The following DGKA variants were observed in gnomAD, a reference collection of about 807,000 sequenced individuals.
DGKA encodes the protein 80 kDa diacylglycerol kinase.
Under a neutral mutation model 105.0 loss-of-function variants are expected in DGKA, and 35 were observed. That is an observed-to-expected ratio of 0.33 (90% confidence interval 0.25 to 0.44). The LOEUF (loss-of-function observed/expected upper bound fraction) is 0.44. DGKA is among the 20% of genes least tolerant of loss of function. DGKA has a pLI of 1.00. For missense variants in DGKA, 665 were observed against 915.0 expected (o/e 0.73, Z 3.53); for synonymous variants, 296 against 332.0 (o/e 0.89, Z 1.18).
chr12:55,945,079 C>T (rs1438043886), intron 17 of DGKA, among the ~76,000 whole-genome samples: 6 of 152,146 alleles, frequency 3.9e-5, no homozygotes, highest in Non-Finnish European at 7.4e-5. Context: ...GGATTATATG[C>T]GTGAGCCACC....
chr12:55,945,119 G>T (rs1013343536), intron 17 of DGKA, among the ~76,000 whole-genome samples: 12 of 152,164 alleles, frequency 7.9e-5, no homozygotes, highest in Non-Finnish European at 1.8e-4. Context: ...CATTTATTAA[G>T]ACAGGGAATA....
At chr12:55,936,204 A>C in intron 1 of DGKA, 1 of 561,878 alleles carries the variant, frequency 1.8e-6, no homozygotes, top group Admixed American at 4.2e-5. Flanking sequence ...GGAGAGACAG[A>C]GATGAGTCAG....
Position 55,940,021 on chromosome 12 carries a change from GTAAGAAGGAAATAGGGGGAGAGGCTCAGC to G in DGKA, c.710-56_710-28del. 1 of 1,455,368 alleles carries G rather than the reference GTAAGAAGGAAATAGGGGGAGAGGCTCAGC, an allele frequency of 6.9e-7. No homozygotes were observed. Among genetic ancestry groups the G allele is most frequent in the Admixed American group, 1.7e-5 (1 of 59,746 alleles). 90.2% of individuals were successfully genotyped at this position (1,455,368 alleles called of 1,614,324 possible). On this transcript the variant is annotated intron_variant, in intron 9 of 23. Transcript: ENST00000331886. The surrounding 1 kb of genome is among the most constrained non-coding windows in gnomAD (Gnocchi z 4.3). ...ATATCTGATCCTGCCTCACCCTCAGGTAAGAAGGAAATAGGGGGAGAGGCTCAGCTAAGCCTCCCAACTTCTTCCTTCTC... is the reference window on the plus strand; with the variant it reads ...ATATCTGATCCTGCCTCACCCTCAGGTAAGCCTCCCAACTTCTTCCTTCTC...
chr12:55,933,325 G>C (rs897359560), intron 1 of DGKA, among the ~76,000 whole-genome samples: 3 of 152,076 alleles, frequency 2.0e-5, no homozygotes, highest in South Asian at 2.1e-4. Flanking sequence ...TTCCTTTCTC[G>C]CCCCAATTGG....
chr12:55,953,019 T>C (rs542390396), intron 21 of DGKA, 21 bp from the exon 22 acceptor site: 1 of 1,614,076 alleles, frequency 6.2e-7, no homozygotes, highest in Non-Finnish European at 8.5e-7. Flanking sequence ...TGTAAAACTT[T>C]ACTCCCTACT....
chr12:55,946,603 C>T (rs1036657077), intron 17 of DGKA, among the ~76,000 whole-genome samples: 56 of 151,914 alleles, frequency 3.7e-4, no homozygotes, highest in Non-Finnish European at 6.9e-4. Flanking sequence ...GTGATCCACC[C>T]GCCTCGGCCT....
intron 22 of DGKA, 84 bp from the exon 23 acceptor site, chr12:55,953,266 A>G (rs1888525294): frequency 1.9e-6 from 3 of 1,611,026 alleles, no homozygotes; most frequent in East Asian, 4.5e-5. Context: ...CCTCAATGAC[A>G]AAAGGTCTCA....
Position 55,941,926 on chromosome 12 carries a change from T to C in DGKA, c.1251-72T>C, listed in dbSNP as rs553679199. 58 of 1,493,088 alleles carry C rather than the reference T, an allele frequency of 3.9e-5. No homozygotes were observed. In the East Asian group the frequency reaches 1.3e-3, roughly 33 times the overall value. The allele number at this position is 1,493,088 out of a possible 1,614,324, so 92.5% of individuals were successfully genotyped here. A position where few individuals can be genotyped will look rare whatever the true frequency, so the allele number is the denominator to read the frequency against. Reference sequence around the variant, plus strand: ...CTACGGAATGAGAGACAAGAAGCAATCTGCCTGCTCAGGACTTGGGTAGCC... The same window carrying C: ...CTACGGAATGAGAGACAAGAAGCAACCTGCCTGCTCAGGACTTGGGTAGCC... On this transcript the variant is annotated intron_variant, in intron 15 of 23. Coordinates refer to ENST00000331886, the MANE Select transcript of DGKA (RefSeq NM_001345.5).
chr12:55,948,324 C>T (rs1462610186), intron 17 of DGKA, among the ~76,000 whole-genome samples: 1 of 151,782 alleles, frequency 6.6e-6, no homozygotes, highest in Non-Finnish European at 1.5e-5. Context: ...TCGCTTGAAC[C>T]CAGGAGGCGG....
At position 55,938,946 on chromosome 12, in the gene DGKA, G is replaced by A. The variant is rs1885332826; in HGVS notation, c.431G>A (p.Arg144Gln). 2.5e-6 allele frequency: 4 copies of A among 1,614,164 alleles called. No homozygotes were observed. Among genetic ancestry groups the A allele is most frequent in the Non-Finnish European group, 3.4e-6 (4 of 1,180,030 alleles). ...EVDKIILQMM[R>Q]VAEYLDWDVS... ...GACAAAATTATCCTACAGATGATGCGAGTGGCTGAATACCTGGATTGGGAT... is the reference window on the plus strand; with the variant it reads ...GACAAAATTATCCTACAGATGATGCAAGTGGCTGAATACCTGGATTGGGAT... The change falls in exon 7 of 24, where the codon CGA becomes CAA. Residue 144 changes from arginine (R) to glutamine (Q), a missense_variant. By Grantham distance (43) the Arg-to-Gln change is conservative. This residue lies in a region of DGKA where 504 missense variants were observed against 681.2 expected (regional missense o/e 0.74). Coordinates refer to ENST00000331886, the MANE Select transcript of DGKA (RefSeq NM_001345.5).
At chr12:55,927,792 G>A (rs1326226904), upstream of DGKA, 3 of 1,536,368 alleles carry the variant, frequency 2.0e-6, no homozygotes, top group Non-Finnish European at 2.6e-6. Context: ...AGGTTGGGCG[G>A]GCGGCCCTGG....
At chr12:55,930,377 T>G (rs994347633), upstream of DGKA, 60 of 146,548 alleles carry the variant, frequency 4.1e-4, no homozygotes, top group African/African-American at 1.5e-3. Flanking sequence ...TTTTTTTTTT[T>G]TTTTTTTAGA....
chr12:55,940,489 C>A lies in DGKA; in HGVS notation c.918+56C>A. On this transcript the variant is annotated intron_variant, in intron 11 of 23. Transcript: ENST00000331886. This position sits in a 1 kb window ranked among gnomAD's most constrained non-coding sequence, Gnocchi z 4.3. ...GTCTTACCCCGCAGAGCTGCCTTCT[C>A]CACGGGCCTCCGGCCACACCTCCTT... is the stretch of plus-strand genomic sequence containing the variant. The A allele has an allele frequency of 6.2e-7, 1 of 1,601,184 alleles. No homozygotes were observed. The highest frequency in any genetic ancestry group is 2.2e-5 in the East Asian group (1 of 44,758).
In DGKA at chr12:55,953,861, C is replaced by T. The variant is rs1424742655; in HGVS notation, c.*93C>T. The T allele has an allele frequency of 3.6e-6, 4 of 1,122,196 alleles. No homozygotes were observed. The highest frequency in any genetic ancestry group is 1.5e-5 in the African/African-American group (1 of 64,680). The allele number at this position is 1,122,196 out of a possible 1,614,324, so 69.5% of individuals were successfully genotyped here. A position where few individuals can be genotyped will look rare whatever the true frequency, so the allele number is the denominator to read the frequency against. ...GCTCTGTACATTGCTGCCACATACT[C>T]CTGCCAGCTTGGGGGAGTGTTCCTT... On this transcript the variant is annotated 3_prime_UTR_variant, in exon 24 of 24. Transcript: ENST00000331886.
chr12:55,935,311 C>T (rs186134087), intron 1 of DGKA: 1 of 152,336 alleles, frequency 6.6e-6, no homozygotes, highest in Admixed American at 6.5e-5. Flanking sequence ...GCAGATATAA[C>T]TTCCCCAAGT....
At chr12:55,931,947 G>T (rs1883663234) in intron 1 of DGKA, 1 of 151,090 alleles carries the variant, frequency 6.6e-6, no homozygotes, top group Non-Finnish European at 1.5e-5. Flanking sequence ...TCCCAGAGTC[G>T]GGGGCGCCGG....
intron 17 of DGKA, among the ~76,000 whole-genome samples, chr12:55,944,351 A>G (rs548464934): frequency 2.0e-5 from 3 of 152,324 alleles, no homozygotes; most frequent in Non-Finnish European, 2.9e-5. Flanking sequence ...GCACATGCCT[A>G]TAGTCCCAGC....
At chr12:55,938,750 G>A (rs1885291598) in intron 6 of DGKA, 165 bp from the exon 7 acceptor site, 3 of 1,531,400 alleles carry the variant, frequency 2.0e-6, no homozygotes, top group South Asian at 2.5e-5. Flanking sequence ...ACATGAATTG[G>A]GTCTGCCTTA....
intron 6 of DGKA, 117 bp downstream of exon 6, chr12:55,938,677 T>A (rs1885272279): frequency 6.2e-7 from 1 of 1,601,406 alleles, no homozygotes; most frequent in Admixed American, 1.7e-5. Context: ...AGAGGTTGAG[T>A]CCTCTAGGAC....
Sources: allele counts gnomAD v4.1 joint callset (sites outside exome capture counted in the v4.1 genomes callset), GRCh38; gene constraint gnomAD v4.1.1; regional missense constraint gnomAD v4.1.1; non-coding constraint Gnocchi (gnomAD v3.1); transcripts MANE v1.5; gene names NCBI Gene and HGNC (gene_info 2026-07-23, HGNC 2026-07-21).